SORCS1: variants seen among roughly 807,000 people sequenced by gnomAD.
SORCS1 encodes sortilin related VPS10 domain containing receptor 1.
SORCS1 carries 60 observed loss-of-function variants against 146.1 expected under a neutral mutation model. The ratio of observed to expected loss-of-function variants is 0.41; its 90% confidence interval spans 0.33 to 0.51. The LOEUF (loss-of-function observed/expected upper bound fraction) is 0.51. Ranked by LOEUF, SORCS1 falls within the 20% of genes least tolerant of loss-of-function variation. The pLI is 0.21. For synonymous variants in SORCS1, 637 were observed against 584.0 expected (o/e 1.09, Z -1.31); for missense variants, 1,352 against 1,487.6 (o/e 0.91, Z 1.50).
intron 1 of SORCS1, among the ~76,000 whole-genome samples, chr10:107,059,861 T>C (rs554371490): frequency 2.1e-5 from 3 of 142,488 alleles, no homozygotes; most frequent in African/African-American, 7.5e-5. Context: ...CTTTTGGATG[T>C]TAAAAACAAA....
intron 2 of SORCS1, among the ~76,000 whole-genome samples, chr10:106,889,846 C>G (rs1033533977): frequency 6.9e-6 from 1 of 144,620 alleles, no homozygotes; most frequent in Non-Finnish European, 1.5e-5. Context: ...GATCGCGCCA[C>G]TGTACTCCAG....
chr10:107,153,768 T>C (rs1316762942), intron 1 of SORCS1, among the ~76,000 whole-genome samples: 1 of 152,210 alleles, frequency 6.6e-6, no homozygotes, highest in Non-Finnish European at 1.5e-5. Context: ...TTTCATTTAT[T>C]TTCATTTTAA....
At chr10:107,008,624 A>G (rs1431871852) in intron 1 of SORCS1, among the ~76,000 whole-genome samples, 1 of 152,222 alleles carries the variant, frequency 6.6e-6, no homozygotes, top group Non-Finnish European at 1.5e-5. Context: ...TGGAGCTAAG[A>G]AAGTACATTC....
intron 5 of SORCS1, among the ~76,000 whole-genome samples, chr10:106,751,042 G>A (rs2136182527): frequency 8.7e-6 from 1 of 115,224 alleles, no homozygotes; most frequent in Non-Finnish European, 1.6e-5. Flanking sequence ...CTGGGCGACA[G>A]GGTGAGACTC....
intron 2 of SORCS1, among the ~76,000 whole-genome samples, chr10:106,884,308 G>T (rs1047991960): frequency 3.9e-5 from 6 of 152,158 alleles, no homozygotes; most frequent in African/African-American, 1.2e-4. Context: ...AGAGTGCTGA[G>T]ATAACGTAAG....
chr10:106,811,989 A>C lies in SORCS1; in HGVS notation c.726+17585T>G, dbSNP rs546626756. Among the ~76,000 whole-genome samples the C allele has an allele frequency of 5.9e-5, 9 of 151,488 alleles. No homozygotes were observed. The South Asian group carries it at 1.3e-3, about 21-fold the overall frequency. On this transcript the variant is annotated intron_variant, in intron 3 of 25. Transcript: ENST00000263054. ...ATCATACTTACCTTGATGGTTTCAG[A>C]GTTTGTTTGTTTGTTTGTTTGTTTG...
At chr10:106,770,706 A>T (rs1485646301) in intron 4 of SORCS1, among the ~76,000 whole-genome samples, 1 of 152,220 alleles carries the variant, frequency 6.6e-6, no homozygotes, top group Non-Finnish European at 1.5e-5. Flanking sequence ...TCTCTCAAAA[A>T]AAGAAAGAAT....
chr10:106,705,339 G>T (rs1309956095), intron 8 of SORCS1, among the ~76,000 whole-genome samples: 1 of 152,142 alleles, frequency 6.6e-6, no homozygotes, highest in Non-Finnish European at 1.5e-5. Context: ...GTGAGGGAAG[G>T]GTGGTAGCCA....
At chr10:107,029,842 T>C (rs1161523852) in intron 1 of SORCS1, among the ~76,000 whole-genome samples, 2 of 152,226 alleles carry the variant, frequency 1.3e-5, no homozygotes, top group African/African-American at 2.4e-5. Flanking sequence ...TTTCTTGTAT[T>C]AGGGACTTAC....
At chr10:106,951,368 G>T (rs1954672183) in intron 2 of SORCS1, among the ~76,000 whole-genome samples, 1 of 152,060 alleles carries the variant, frequency 6.6e-6, no homozygotes, top group African/African-American at 2.4e-5. Context: ...AAATTAGCCA[G>T]GCATGGTGGC....
At chr10:107,014,712 C>G (rs1957826882) in intron 1 of SORCS1, among the ~76,000 whole-genome samples, 1 of 152,142 alleles carries the variant, frequency 6.6e-6, no homozygotes, top group Admixed American at 6.5e-5. Context: ...TTAAAAAGCC[C>G]TCCAAATAAC....
intron 2 of SORCS1, among the ~76,000 whole-genome samples, chr10:106,940,579 T>C (rs1421074942): frequency 6.6e-6 from 1 of 152,208 alleles, no homozygotes; most frequent in Non-Finnish European, 1.5e-5. Flanking sequence ...GCCATTCATA[T>C]CTATACTATT....
At chr10:106,686,104 A>AT (rs201889606) in intron 10 of SORCS1, among the ~76,000 whole-genome samples, 5 of 152,316 alleles carry the variant, frequency 3.3e-5, no homozygotes, top group South Asian at 2.1e-4. Flanking sequence ...AATAAAGTTG[A>AT]TTTTTTAAAA....
At chr10:106,987,039 C>T (rs1314006960) in intron 1 of SORCS1, among the ~76,000 whole-genome samples, 2 of 152,150 alleles carry the variant, frequency 1.3e-5, no homozygotes, top group Non-Finnish European at 2.9e-5. Flanking sequence ...GATTGTTCAT[C>T]GAACCTTACG....
chr10:106,663,128 A>T (rs570683803), intron 17 of SORCS1, among the ~76,000 whole-genome samples: 4 of 152,224 alleles, frequency 2.6e-5, no homozygotes, highest in Non-Finnish European at 5.9e-5. Flanking sequence ...AAAACAAAAT[A>T]ACCCAAACAT....
intron 5 of SORCS1, among the ~76,000 whole-genome samples, chr10:106,736,421 GT>G (rs1243327667): frequency 6.6e-6 from 1 of 152,106 alleles, no homozygotes; most frequent in African/African-American, 2.4e-5. Context: ...TCCTCTTCAT[GT>G]TCCCACAGCC....
intron 12 of SORCS1, 64 bp downstream of exon 12, chr10:106,679,192 A>G: frequency 7.5e-7 from 1 of 1,328,520 alleles, no homozygotes; most frequent in Non-Finnish European, 1.1e-6. Context: ...CCCAGATTTG[A>G]ACCAAGCTGG....
At position 106,942,710 on chromosome 10, in the gene SORCS1, G is replaced by A. The variant is rs539341889; in HGVS notation, c.626+13803C>T. On this transcript the variant is annotated intron_variant, in intron 2 of 25. Coordinates refer to ENST00000263054, the MANE Select transcript of SORCS1 (RefSeq NM_052918.5). Reference sequence around the variant, plus strand: ...TCTTGGTAAAAGGAAAGCTCCCCTCGGTCCACCCCTTGCCCTCCCTGATCT... The same window carrying A: ...TCTTGGTAAAAGGAAAGCTCCCCTCAGTCCACCCCTTGCCCTCCCTGATCT... 1.8e-4 allele frequency among the ~76,000 whole-genome samples: 28 copies of A among 152,022 alleles called. No individual in the cohort carries two copies. The East Asian group carries it at 3.9e-3, about 21-fold the overall frequency.
intron 1 of SORCS1, among the ~76,000 whole-genome samples, chr10:107,109,758 T>G (rs1193508123): frequency 6.6e-6 from 1 of 152,246 alleles, no homozygotes; most frequent in Non-Finnish European, 1.5e-5. Flanking sequence ...CTGTGTCACG[T>G]GGCTAGGCTG....
Sources: gnomAD v4.1 joint callset for allele counts (sites outside exome capture counted in the v4.1 genomes callset) on GRCh38, gnomAD v4.1.1 for gene constraint, MANE v1.5 for transcripts, NCBI Gene and HGNC (gene_info 2026-07-23, HGNC 2026-07-21) for gene names.